Variants in RBFOX1 observed in about 807,000 individuals in gnomAD.
RBFOX1 encodes the protein RNA binding fox-1 homolog 1.
Under a neutral mutation model 57.7 loss-of-function variants are expected in RBFOX1, and 8 were observed. The ratio of observed to expected loss-of-function variants is 0.14; its 90% CI spans 0.08 to 0.25. The LOEUF is 0.25. Among genes scored for constraint, RBFOX1 ranks in the 10% least tolerant of loss-of-function variants. RBFOX1 has a pLI of 1.00. For synonymous variants in RBFOX1, 326 were observed against 222.4 expected, an observed-to-expected ratio of 1.47 and a Z score of -4.15; for missense variants, 611 against 548.5, an observed-to-expected ratio of 1.11 and a Z score of -1.14.
intron 1 of RBFOX1, among the ~76,000 whole-genome samples, chr16:5,438,703 C>A (rs1401035962): frequency 6.6e-6 from 1 of 152,126 alleles, no homozygotes; most frequent in East Asian, 1.9e-4. Context: ...TTGGAGCACA[C>A]CCCTTCCTCC....
intron 2 of RBFOX1, among the ~76,000 whole-genome samples, chr16:6,533,035 T>C (rs1185550969): frequency 6.6e-6 from 1 of 152,194 alleles, no homozygotes; most frequent in Non-Finnish European, 1.5e-5. Flanking sequence ...TTCATCTTAC[T>C]TCTGATGCAT....
chr16:5,724,021 C>A, intron 3 of RBFOX1, among the ~76,000 whole-genome samples: 1 of 114,732 alleles, frequency 8.7e-6, no homozygotes, highest in African/African-American at 5.4e-5. Context: ...CCTATGTTAG[C>A]AAACCATTTG....
intron 1 of RBFOX1, among the ~76,000 whole-genome samples, chr16:5,457,012 A>G (rs1198949793): frequency 6.6e-6 from 1 of 152,188 alleles, no homozygotes; most frequent in African/African-American, 2.4e-5. Context: ...ACAGTTCTAA[A>G]GGCTGGGAAT....
chr16:6,294,235 G>A (rs2077814612), intron 1 of RBFOX1, among the ~76,000 whole-genome samples: 2 of 152,168 alleles, frequency 1.3e-5, no homozygotes, highest in African/African-American at 4.8e-5. Flanking sequence ...AAAGGGAAAT[G>A]TCTAAAGGCA....
At chr16:6,903,442 A>G (rs551604247) in intron 3 of RBFOX1, among the ~76,000 whole-genome samples, 3 of 152,320 alleles carry the variant, frequency 2.0e-5, no homozygotes, top group South Asian at 2.1e-4. Flanking sequence ...GAAGTCTGCC[A>G]TCATTGCTTA....
rs572256211 is a variant in RBFOX1, at chr16:5,430,513, C to G, written c.220-36703C>G. ...AGGCGTTGGGGTTGGGGAAGAGCAC[C>G]CAGGAACGGAAGGAGCATCTTGCGG... On this transcript the variant is annotated intron_variant, in intron 1 of 2. Transcript: ENST00000585867. Among the ~76,000 whole-genome samples, 15 of 152,114 alleles carry G rather than the reference C, an allele frequency of 9.9e-5. 2 individuals are homozygous for G. The highest frequency in any genetic ancestry group is 3.6e-4 in the African/African-American group (15 of 41,502).
intron 3 of RBFOX1, among the ~76,000 whole-genome samples, chr16:6,682,456 G>T (rs1339589829): frequency 6.6e-6 from 1 of 152,174 alleles, no homozygotes; most frequent in Non-Finnish European, 1.5e-5. Context: ...TTAGACATTT[G>T]TTAAATATTA....
intron 4 of RBFOX1, among the ~76,000 whole-genome samples, chr16:7,105,730 A>G (rs1004170036): frequency 4.0e-5 from 6 of 151,876 alleles, no homozygotes; most frequent in Admixed American, 2.6e-4. Flanking sequence ...ATATATAGGT[A>G]GATATATAGA....
At chr16:6,805,464 A>G (rs753393522) in intron 3 of RBFOX1, among the ~76,000 whole-genome samples, 2 of 152,114 alleles carry the variant, frequency 1.3e-5, no homozygotes, top group Non-Finnish European at 2.9e-5. Flanking sequence ...GGGTGGTGAA[A>G]TAATCTGTAC....
intron 1 of RBFOX1, among the ~76,000 whole-genome samples, chr16:6,208,049 T>C (rs2097266984): frequency 1.3e-5 from 2 of 152,124 alleles, no homozygotes; most frequent in African/African-American, 2.4e-5. Context: ...TATGTGTATA[T>C]ATATGTGTGT....
At chr16:5,895,269 T>C (rs1319225597) in intron 4 of RBFOX1, among the ~76,000 whole-genome samples, 1 of 152,232 alleles carries the variant, frequency 6.6e-6, no homozygotes, top group Non-Finnish European at 1.5e-5. Context: ...GTGGTCCAGA[T>C]GCCTGTCTTT....
chr16:7,083,941 A>G (rs1259196707), intron 4 of RBFOX1, among the ~76,000 whole-genome samples: 1 of 152,058 alleles, frequency 6.6e-6, no homozygotes, highest in Non-Finnish European at 1.5e-5. Context: ...GGTACCATGC[A>G]GCTGTTTTTT....
intron 3 of RBFOX1, among the ~76,000 whole-genome samples, chr16:6,708,302 ACACT>A (rs79606949): frequency 0.21 from 31,510 of 151,706 alleles, 3,780 homozygotes; most frequent in Admixed American, 0.3. Context: ...ACACACACAC[ACACT>A]CACACTCATT....
At position 5,947,705 on chromosome 16, in the gene RBFOX1, A is replaced by G. The variant is rs2059430628; in HGVS notation, c.351+80370A>G. On this transcript the variant is annotated intron_variant, in intron 4 of 19. Transcript: ENST00000641259. The surrounding 1 kb of genome is among the most constrained non-coding windows in gnomAD (Gnocchi z 7.2). ...TCTGCCCTTTTGAGAGAGTGGGGTT[A>G]GGGATTTCTGCACCCTTTTTACTAT... 6.6e-6 allele frequency among the ~76,000 whole-genome samples: 1 copy of G among 152,136 alleles called. No homozygotes were observed. Among genetic ancestry groups the G allele is most frequent in the African/African-American group, 2.4e-5 (1 of 41,448 alleles).
intron 1 of RBFOX1, among the ~76,000 whole-genome samples, chr16:6,055,689 G>A (rs911524581): frequency 3.3e-5 from 5 of 151,148 alleles, no homozygotes; most frequent in African/African-American, 4.9e-5. Context: ...AAAAAAAAGT[G>A]AAATCATTGC....
chr16:6,459,542 C>G (rs2094859066), intron 2 of RBFOX1, among the ~76,000 whole-genome samples: 1 of 152,158 alleles, frequency 6.6e-6, no homozygotes, highest in African/African-American at 2.4e-5. Flanking sequence ...ACCTCTATAT[C>G]TCATCTCAAA....
intron 4 of RBFOX1, among the ~76,000 whole-genome samples, chr16:7,470,073 A>G (rs1004248794): frequency 5.3e-5 from 8 of 151,166 alleles, no homozygotes; most frequent in African/African-American, 2.0e-4. Context: ...TGTATATAAC[A>G]CATGTTATCT....
intron 1 of RBFOX1, among the ~76,000 whole-genome samples, chr16:6,254,103 G>C (rs952920473): frequency 2.6e-5 from 4 of 152,080 alleles, no homozygotes; most frequent in African/African-American, 9.7e-5. Flanking sequence ...GAGAATTTTA[G>C]GTTGCCTTCC....
intron 2 of RBFOX1, among the ~76,000 whole-genome samples, chr16:6,600,579 G>C (rs566623266): frequency 5.3e-5 from 8 of 152,128 alleles, no homozygotes; most frequent in Non-Finnish European, 1.2e-4. Context: ...ACAAAAGACC[G>C]TTAATATTAC....
Sources: gnomAD v4.1 joint callset for allele counts (sites outside exome capture counted in the v4.1 genomes callset) on GRCh38, gnomAD v4.1.1 for gene constraint, Gnocchi (gnomAD v3.1) non-coding constraint, MANE v1.5 for transcripts, NCBI Gene and HGNC (gene_info 2026-07-23, HGNC 2026-07-21) for gene names.